The following TTC23 variants were observed in gnomAD, a reference collection of about 807,000 sequenced individuals.
TTC23 encodes the protein tetratricopeptide repeat protein 23.
A neutral mutation model predicts 55.1 loss-of-function variants in TTC23; 58 were observed. The ratio of observed to expected loss-of-function variants is 1.05; its 90% CI spans 0.85 to 1.31. The LOEUF (loss-of-function observed/expected upper bound fraction) is 1.31, where lower values mean the gene tolerates loss of function less well. Among genes scored for constraint, TTC23 ranks in the 50% most tolerant of loss-of-function variants. The pLI, the probability that TTC23 is intolerant of heterozygous loss-of-function variation, is 0.00. For missense variants in TTC23, 516 were observed against 534.4 expected, an observed-to-expected ratio of 0.97 and a Z score of 0.34; for synonymous variants, 203 against 199.9, an observed-to-expected ratio of 1.02 and a Z score of -0.13.
At chr15:99,212,218 T>C (rs541707709) in intron 8 of TTC23, among the ~76,000 whole-genome samples, 31 of 151,976 alleles carry the variant, frequency 2.0e-4, no homozygotes, top group Non-Finnish European at 2.9e-4. Flanking sequence ...ATAGTCTCAA[T>C]AGGTCATCAT....
intron 8 of TTC23, among the ~76,000 whole-genome samples, chr15:99,214,525 A>G (rs77588899): frequency 1.3e-5 from 2 of 150,794 alleles, no homozygotes; most frequent in South Asian, 2.1e-4. Context: ...AAAAAAAAAA[A>G]AGAGATCCTC....
intron 3 of TTC23, among the ~76,000 whole-genome samples, chr15:99,239,697 A>C (rs1031936597): frequency 6.6e-5 from 10 of 152,158 alleles, no homozygotes; most frequent in Non-Finnish European, 1.3e-4. Context: ...GGCTGATAAG[A>C]TGACCATTTC....
intron 1 of TTC23, among the ~76,000 whole-genome samples, chr15:99,247,736 T>TTAGGATGATGAAAATGTTCTAAATTTTC (rs1567579610): frequency 3.7e-5 from 2 of 54,638 alleles, no homozygotes; most frequent in Admixed American, 1.8e-4. Flanking sequence ...AAGTATTTTT[T>TTAGGATGATGAAAATGTTCTAAATTTTC]TAGGATGATG....
intron 10 of TTC23, among the ~76,000 whole-genome samples, chr15:99,168,365 G>A (rs2072439516): frequency 1.3e-5 from 2 of 152,310 alleles, no homozygotes; most frequent in South Asian, 2.1e-4. Context: ...TCACCACCAG[G>A]AAAGTGACCA....
chr15:99,197,172 A>T (rs373746811), intron 9 of TTC23, among the ~76,000 whole-genome samples: 1 of 149,952 alleles, frequency 6.7e-6, no homozygotes, highest in Non-Finnish European at 1.5e-5. Context: ...GCGCGATCTC[A>T]GCTCACTGCA....
In TTC23 at chr15:99,218,579, G is replaced by C. The variant is rs774229321; in HGVS notation, c.581+9C>G. On this transcript the variant is annotated intron_variant, in intron 8 of 13. Transcript: ENST00000394132. ...ATCATGTATGCAAAATCCTAAACTT[G>C]AAACTTACTGTGCAAATGATAATCT... is the stretch of plus-strand genomic sequence containing the variant. 9 of 1,614,108 alleles carry C rather than the reference G, an allele frequency of 5.6e-6. No homozygotes were observed. In the South Asian group the frequency reaches 9.9e-5, roughly 18 times the overall value.
intron 12 of TTC23, among the ~76,000 whole-genome samples, chr15:99,154,097 T>C (rs1555498174): frequency 6.6e-6 from 1 of 152,126 alleles, no homozygotes; most frequent in Admixed American, 6.6e-5. Flanking sequence ...TCAAGGAATT[T>C]CCCTACAAAA....
At chr15:99,229,375 G>A (rs549863630) in intron 4 of TTC23, among the ~76,000 whole-genome samples, 4 of 152,280 alleles carry the variant, frequency 2.6e-5, no homozygotes, top group South Asian at 2.1e-4. Context: ...ATAAAACAAC[G>A]GTTTCAAGAA....
chr15:99,193,699 T>C (rs1011787264), intron 9 of TTC23, among the ~76,000 whole-genome samples: 1 of 152,154 alleles, frequency 6.6e-6, no homozygotes, highest in African/African-American at 2.4e-5. Context: ...ACCTTTTTTT[T>C]TGAACTTTTG....
intron 12 of TTC23, among the ~76,000 whole-genome samples, chr15:99,150,625 G>T (rs782317141): frequency 6.6e-6 from 1 of 152,212 alleles, no homozygotes; most frequent in African/African-American, 2.4e-5. Flanking sequence ...ATTCATTTTG[G>T]GGGGAGGATA....
At chr15:99,225,294 G>T (rs1001225868) in intron 5 of TTC23, among the ~76,000 whole-genome samples, 25 of 152,136 alleles carry the variant, frequency 1.6e-4, no homozygotes, top group African/African-American at 6.0e-4. Context: ...AGTGACTTTA[G>T]CAATAGGCAT....
In TTC23 at chr15:99,200,000, C is replaced by G. The variant is rs73463371; in HGVS notation, c.678G>C (p.Glu226Asp). The stretch of plus-strand genomic sequence containing the variant: ...CTAATTCTCTCAATATGGGTACACA[C>G]TCACGACTTGTTTCACCTTTACTGA... ...VEISKGETSR[E>D]CVPILRELAG... Residue 226 changes from glutamate to aspartate, a missense_variant, in exon 9 of 14, where the codon GAG (glutamate) becomes GAC (aspartate). Transcript: ENST00000394132. The G allele has an allele frequency of 6.2e-7, 1 of 1,614,104 alleles. No individual in the cohort carries two copies. The highest frequency in any genetic ancestry group is 1.7e-5 in the Admixed American group (1 of 60,002).
intron 5 of TTC23, among the ~76,000 whole-genome samples, chr15:99,223,130 G>C (rs182210066): frequency 2.3e-4 from 35 of 152,300 alleles, no homozygotes; most frequent in Non-Finnish European, 4.3e-4. Context: ...TGGAGGAAAT[G>C]ATACAGTGCC....
chr15:99,235,981 T>C (rs2079288938), intron 3 of TTC23, among the ~76,000 whole-genome samples: 1 of 152,246 alleles, frequency 6.6e-6, no homozygotes, highest in African/African-American at 2.4e-5. Flanking sequence ...ATGTCAGAAT[T>C]TCCTTTCTTT....
At position 99,249,278 on chromosome 15, in the gene TTC23, T is replaced by C. The variant is rs2080523809; in HGVS notation, c.-538A>G. The C allele has an allele frequency of 6.6e-6, 1 of 152,196 alleles. No individual in the cohort carries two copies. Among genetic ancestry groups the C allele is most frequent in the Non-Finnish European group, 1.5e-5 (1 of 68,046 alleles). The allele number at this position is 152,196 out of a possible 1,614,324, so 9.4% of individuals were successfully genotyped here. A position where few individuals can be genotyped will look rare whatever the true frequency, so the allele number is the denominator to read the frequency against. On this transcript the variant is annotated 5_prime_UTR_variant, in exon 1 of 14. In the 5' UTR this introduces an upstream ATG that the reference lacks. Transcript: ENST00000394132. ...TCCTGCTGTCTTTAAATTGTGCCTG[T>C]ATTTTCTCTGCTTTTCCTTTGACAC...
Position 99,196,635 on chromosome 15 carries a change from C to T in TTC23, c.759+3284G>A, listed in dbSNP as rs545034000. On this transcript the variant is annotated intron_variant, in intron 9 of 13. Coordinates refer to ENST00000394132, the MANE Select transcript of TTC23 (RefSeq NM_001288615.3). ...CACATATCTCTCAGATCTGTCCATG[C>T]TTCTCCATTTTCACCAGCACCACCT... Among the ~76,000 whole-genome samples the T allele has an allele frequency of 8.8e-4, 134 of 152,278 alleles. 1 individual carries two copies. The highest frequency in any genetic ancestry group is 6.8e-3 in the Middle Eastern group (2 of 294).
intron 12 of TTC23, among the ~76,000 whole-genome samples, chr15:99,149,177 C>G (rs1310896102): frequency 6.6e-6 from 1 of 152,200 alleles, no homozygotes; most frequent in Admixed American, 6.5e-5. Context: ...ATGTGAAAAG[C>G]ATGTTTCAAG....
chr15:99,221,996 G>GTATC (rs1364155109), intron 5 of TTC23, 132 bp from the exon 6 acceptor site: 13 of 1,022,848 alleles, frequency 1.3e-5, no homozygotes, highest in Non-Finnish European at 1.7e-5. Flanking sequence ...CTAAGCACTT[G>GTATC]AGATGTATCA....
Position 99,175,112 on chromosome 15 carries a change from G to T in TTC23, c.803C>A (p.Ala268Glu). 1.2e-6 allele frequency: 2 copies of T among 1,614,198 alleles called. No individual in the cohort carries two copies. Among genetic ancestry groups the T allele is most frequent in the Non-Finnish European group, 1.7e-6 (2 of 1,180,032 alleles). ...GGCGACGATGTGTGCCGAGTCTGCT[G>T]CCTCCACTTGAGAGGGGCTTCTACT... is the stretch of plus-strand genomic sequence containing the variant. Reference protein sequence around the residue: ...ILSRSPSQVEAADSAHIVAHA... With the variant: ...ILSRSPSQVEEADSAHIVAHA... Residue 268 changes from alanine to glutamate, a missense_variant, in exon 10 of 14, where the codon GCA becomes GAA. By Grantham distance (107) the Ala-to-Glu change is moderately radical. Transcript: ENST00000394132.
Sources: gnomAD v4.1 joint callset for allele counts (sites outside exome capture counted in the v4.1 genomes callset) on GRCh38, gnomAD v4.1.1 for gene constraint, MANE v1.5 for transcripts, NCBI Gene and HGNC (gene_info 2026-07-23, HGNC 2026-07-21) for gene names.